UNC13C: variants seen among roughly 807,000 people sequenced by gnomAD.
UNC13C encodes unc-13 homolog C.
In UNC13C, 174 loss-of-function variants were observed where a neutral mutation model predicts 245.4. The ratio of observed to expected loss-of-function variants is 0.71; its 90% CI spans 0.63 to 0.80. UNC13C has a LOEUF of 0.80. UNC13C is among the 30% of genes least tolerant of loss of function. The probability of loss-of-function intolerance (pLI) is 0.00; values close to 1 mark genes in which losing one functional copy is unlikely to be tolerated. For synonymous variants in UNC13C, 992 were observed against 895.1 expected (o/e 1.11, Z -1.93); for missense variants, 2,829 against 2,602.9 (o/e 1.09, Z -1.89).
chr15:54,302,159 T>C (rs7177663), intron 13 of UNC13C, among the ~76,000 whole-genome samples: 15,166 of 152,180 alleles, frequency 0.1, 2,471 homozygotes, highest in African/African-American at 0.34. Context: ...CTTGCAAATT[T>C]GTTTAAGTTC....
chr15:54,072,539 G>T (rs1017210758), intron 2 of UNC13C, among the ~76,000 whole-genome samples: 3 of 152,140 alleles, frequency 2.0e-5, no homozygotes, highest in Admixed American at 6.6e-5. Context: ...CTATGATATG[G>T]GTCTTGACTT....
At chr15:54,143,848 A>G (rs975245085) in intron 4 of UNC13C, among the ~76,000 whole-genome samples, 164 bp downstream of exon 4, 1 of 152,096 alleles carries the variant, frequency 6.6e-6, no homozygotes, top group African/African-American at 2.4e-5. Flanking sequence ...AAAAAAATGT[A>G]ATACATGTTA....
chr15:54,338,269 A>C, intron 16 of UNC13C, 92 bp from the exon 17 acceptor site: 1 of 1,372,724 alleles, frequency 7.3e-7, no homozygotes. Context: ...AAATCGACTG[A>C]AAGTATTTAT....
chr15:53,997,087 T>C (rs1894669551), intron 1 of UNC13C, among the ~76,000 whole-genome samples: 1 of 152,138 alleles, frequency 6.6e-6, no homozygotes, highest in Non-Finnish European at 1.5e-5. Flanking sequence ...TAACCAGTCT[T>C]TAGAAATTTT....
chr15:54,035,880 G>A (rs564961761), intron 2 of UNC13C, among the ~76,000 whole-genome samples: 16 of 152,098 alleles, frequency 1.1e-4, no homozygotes, highest in African/African-American at 2.4e-4. Flanking sequence ...GGATTCTTAC[G>A]TGCAGCCGTT....
At chr15:53,936,940 A>C in the UNC13C span, among the ~76,000 whole-genome samples, 1 of 152,202 alleles carries the variant, frequency 6.6e-6, no homozygotes, top group Non-Finnish European at 1.5e-5. Context: ...TCAATGCAAA[A>C]ATGCTGAAAA....
At chr15:53,977,737 C>G (rs1016158486), upstream of UNC13C, among the ~76,000 whole-genome samples, 11 of 152,124 alleles carry the variant, frequency 7.2e-5, no homozygotes, top group African/African-American at 2.4e-4. Flanking sequence ...GTTACTCCCC[C>G]CACCTCCTCT....
chr15:54,382,393 A>C (rs912877127), intron 17 of UNC13C, among the ~76,000 whole-genome samples: 3 of 152,096 alleles, frequency 2.0e-5, no homozygotes, highest in African/African-American at 4.8e-5. Context: ...GTTTGAGACA[A>C]GCCTGGGCAA....
intron 14 of UNC13C, among the ~76,000 whole-genome samples, chr15:54,325,854 T>TC (rs2038286714): frequency 6.6e-6 from 1 of 152,078 alleles, no homozygotes. Context: ...AGAAGGTTTT[T>TC]CCATATAAAA....
chr15:54,063,212 C>T (rs778764876), intron 2 of UNC13C, among the ~76,000 whole-genome samples: 3 of 152,146 alleles, frequency 2.0e-5, no homozygotes, highest in African/African-American at 7.2e-5. Flanking sequence ...TAGTCATAAA[C>T]TTAATGTGAA....
At chr15:53,858,267 T>C in the UNC13C span, among the ~76,000 whole-genome samples, 3 of 152,158 alleles carry the variant, frequency 2.0e-5, no homozygotes, top group African/African-American at 7.2e-5. Context: ...TTGATATGCA[T>C]TTTAAATGTT....
intron 18 of UNC13C, among the ~76,000 whole-genome samples, chr15:54,406,311 A>G (rs1476075588): frequency 6.6e-6 from 1 of 152,130 alleles, no homozygotes; most frequent in Non-Finnish European, 1.5e-5. Context: ...AACGATAAGG[A>G]TGCTTCTTTC....
chr15:53,956,908 A>ATGTGTGTGTG, the UNC13C span, among the ~76,000 whole-genome samples: 1 of 24,670 alleles, frequency 4.1e-5, no homozygotes, highest in Non-Finnish European at 2.0e-4. Flanking sequence ...GTGTGTGTGC[A>ATGTGTGTGTG]TGCACACATC....
intron 19 of UNC13C, among the ~76,000 whole-genome samples, chr15:54,472,889 C>T (rs527812576): frequency 3.8e-4 from 58 of 151,860 alleles, no homozygotes; most frequent in South Asian, 2.5e-3. Flanking sequence ...TTTGGGGAGT[C>T]GGACATGTAC....
At chr15:54,345,514 A>G (rs1049826615) in intron 17 of UNC13C, among the ~76,000 whole-genome samples, 2 of 152,200 alleles carry the variant, frequency 1.3e-5, no homozygotes, top group East Asian at 3.9e-4. Context: ...GGAAGGATAC[A>G]TATTGCAGAT....
the UNC13C span, among the ~76,000 whole-genome samples, chr15:53,919,553 C>T: frequency 8.5e-5 from 13 of 152,198 alleles, no homozygotes; most frequent in Non-Finnish European, 1.8e-4. Context: ...CACACCAGCA[C>T]GTGTCCATCT....
chr15:54,317,784 A>G (rs1253076469), intron 13 of UNC13C, among the ~76,000 whole-genome samples: 1 of 151,956 alleles, frequency 6.6e-6, no homozygotes, highest in Non-Finnish European at 1.5e-5. Context: ...CACAAATACA[A>G]TATATCATCA....
the UNC13C span, among the ~76,000 whole-genome samples, chr15:53,865,262 G>C: frequency 1.4e-4 from 22 of 152,306 alleles, no homozygotes; most frequent in African/African-American, 4.8e-4. Context: ...ATTCCATTGA[G>C]TGACCGCATT....
At chr15:53,840,508 A>G in the UNC13C span, among the ~76,000 whole-genome samples, 1 of 152,160 alleles carries the variant, frequency 6.6e-6, no homozygotes, top group Non-Finnish European at 1.5e-5. Flanking sequence ...GACCTAGAAC[A>G]GAGGACTGTA....
Sources: allele counts gnomAD v4.1 joint callset (sites outside exome capture counted in the v4.1 genomes callset), GRCh38; gene constraint gnomAD v4.1.1; transcripts MANE v1.5; gene names NCBI Gene and HGNC (gene_info 2026-07-23, HGNC 2026-07-21).